Variants in CANX observed in about 807,000 individuals in gnomAD.
CANX encodes calnexin.
In CANX, 14 loss-of-function variants were observed where a neutral mutation model predicts 75.7. That is an observed-to-expected ratio of 0.19 (90% confidence interval 0.12 to 0.29). The LOEUF is 0.29. Among genes scored for constraint, CANX ranks in the 10% least tolerant of loss-of-function variants. The probability of loss-of-function intolerance (pLI) is 1.00; values close to 1 mark genes in which losing one functional copy is unlikely to be tolerated. For missense variants in CANX, 567 were observed against 713.2 expected (o/e 0.79, Z 2.34); for synonymous variants, 227 against 236.9 (o/e 0.96, Z 0.38).
intron 1 of CANX, chr5:179,700,650 T>A (rs1161599288): frequency 1.3e-5 from 2 of 153,314 alleles, no homozygotes; most frequent in Non-Finnish European, 2.9e-5. Context: ...CTTACTATCC[T>A]TACTCCCCAG....
At chr5:179,720,361 C>T in intron 9 of CANX, 43 bp from the exon 10 acceptor site, 9 of 1,560,120 alleles carry the variant, frequency 5.8e-6, no homozygotes, top group Non-Finnish European at 7.9e-6. Flanking sequence ...CATAGTCCTG[C>T]ATCACAGAAC....
chr5:179,710,482 T>C (rs995991892), intron 7 of CANX, among the ~76,000 whole-genome samples: 5 of 134,126 alleles, frequency 3.7e-5, no homozygotes, highest in South Asian at 2.5e-4. Flanking sequence ...CCGAGGCGGG[T>C]GGATCACAAG....
chr5:179,689,920 A>G (rs1290017261), intron 1 of CANX, among the ~76,000 whole-genome samples: 1 of 152,178 alleles, frequency 6.6e-6, no homozygotes, highest in African/African-American at 2.4e-5. Flanking sequence ...CCCCATCTCA[A>G]TGTCACTGAA....
Position 179,729,105 on chromosome 5 carries a change from C to T in CANX, c.*461C>T, listed in dbSNP as rs567394136. 4.4e-4 allele frequency: 88 copies of T among 198,240 alleles called. No individual in the cohort carries two copies. The highest frequency in any genetic ancestry group is 2.4e-3 in the Middle Eastern group (1 of 424). 12.3% of individuals were successfully genotyped at this position (198,240 alleles called of 1,614,324 possible). The stretch of plus-strand genomic sequence containing the variant: ...ATTGTAAAACATTCACACCTCTGTC[C>T]CTCAAAATTGATAATTACGTTTAAA... On this transcript the variant is annotated 3_prime_UTR_variant, in exon 15 of 15. Coordinates refer to ENST00000247461, the MANE Select transcript of CANX (RefSeq NM_001746.4).
chr5:179,682,103 T>A (rs1776078496), intron 1 of CANX, among the ~76,000 whole-genome samples: 1 of 150,874 alleles, frequency 6.6e-6, no homozygotes, highest in African/African-American at 2.4e-5. Context: ...ATAGAAAAAA[T>A]TAGCCGGGTG....
At chr5:179,727,813 G>A (rs1179696599) in intron 14 of CANX, among the ~76,000 whole-genome samples, 1 of 152,198 alleles carries the variant, frequency 6.6e-6, no homozygotes, top group Non-Finnish European at 1.5e-5. Context: ...TTGGAGATCT[G>A]GATCTTGGTT....
chr5:179,694,845 TTC>T (rs770093160), upstream of CANX: 10 of 425,202 alleles, frequency 2.4e-5, no homozygotes, highest in Non-Finnish European at 3.9e-5. Flanking sequence ...TGTGCCCACT[TTC>T]TCCTTCAAGC....
rs541091310 is a variant in CANX, at chr5:179,703,193, G to A, written c.-3-2486G>A. ...CTCCCAATGTGCTGGGATTATTGGC[G>A]TGAGCCACCGCGCCTGGTGGAGTGG... On this transcript the variant is annotated intron_variant, in intron 1 of 14. Transcript: ENST00000247461. Among the ~76,000 whole-genome samples, 6 of 151,860 alleles carry A rather than the reference G, an allele frequency of 4.0e-5. No homozygotes were observed. In the East Asian group the frequency reaches 1.2e-3, roughly 29 times the overall value.
At chr5:179,726,872 A>C (rs987538782) in intron 14 of CANX, 113 bp downstream of exon 14, 38 of 715,644 alleles carry the variant, frequency 5.3e-5, no homozygotes, top group Non-Finnish European at 8.0e-5. Flanking sequence ...AATTCTGTTA[A>C]AGCCAATTTT....
upstream of CANX, chr5:179,698,708 G>C: frequency 1.2e-6 from 1 of 866,646 alleles, no homozygotes. Context: ...CGCGCCCGGC[G>C]GTCTCGATCC....
intron 10 of CANX, 131 bp downstream of exon 10, chr5:179,720,691 C>T (rs987097734): frequency 6.7e-5 from 52 of 773,488 alleles, no homozygotes; most frequent in Non-Finnish European, 1.0e-4. Flanking sequence ...AAGTAGACTT[C>T]CTAAGTTGAA....
intron 9 of CANX, among the ~76,000 whole-genome samples, chr5:179,720,094 G>A (rs1050055277): frequency 1.3e-5 from 2 of 152,146 alleles, no homozygotes; most frequent in Middle Eastern, 3.4e-3. Flanking sequence ...GCCTCCCAAA[G>A]TGCTGGGATT....
In CANX at chr5:179,729,617, C is replaced by T. The variant is rs1227921926; in HGVS notation, c.*973C>T. The T allele has an allele frequency of 6.6e-6, 1 of 152,670 alleles. No homozygotes were observed. The highest frequency in any genetic ancestry group is 6.5e-5 in the Admixed American group (1 of 15,278). 9.5% of individuals were successfully genotyped at this position (152,670 alleles called of 1,614,324 possible). A position where few individuals can be genotyped will look rare whatever the true frequency, so the allele number is the denominator to read the frequency against. ...GTCCGTTGCTGAAAATGATTATAAG[C>T]CCTGCATAATGTTAAGCTTTATTGT... On this transcript the variant is annotated 3_prime_UTR_variant, in exon 15 of 15. Transcript: ENST00000247461.
intron 1 of CANX, chr5:179,701,119 G>GC (rs1171765547): frequency 1.3e-5 from 2 of 152,000 alleles, no homozygotes; most frequent in Non-Finnish European, 2.9e-5. Flanking sequence ...GCCCACCTCG[G>GC]CCTCCCAAAA....
At chr5:179,683,769 A>G (rs1278298838) in intron 1 of CANX, among the ~76,000 whole-genome samples, 3 of 149,392 alleles carry the variant, frequency 2.0e-5, no homozygotes, top group Non-Finnish European at 4.5e-5. Context: ...CCTGGCCTCA[A>G]GTGATCCATC....
In CANX at chr5:179,716,261, T is replaced by C; in HGVS notation, c.878T>C (p.Ile293Thr). 6.2e-7 allele frequency: 1 copy of C among 1,614,106 alleles called. No homozygotes were observed. Among genetic ancestry groups the C allele is most frequent in the Non-Finnish European group, 8.5e-7 (1 of 1,179,988 alleles). Residue 293 changes from isoleucine (I) to threonine (T), a missense_variant, in exon 8 of 15, where the codon ATC becomes ACC. Physicochemically the swap from Ile to Thr is moderately conservative, Grantham distance 89 (BLOSUM62 -1). Around this residue, in one of 3 missense-constraint regions of CANX, gnomAD observed 351 missense variants for 433.8 expected, o/e 0.81. Transcript: ENST00000247461. ...GAGGATTGGGATGAAAGACCAAAAA[T>C]CCCAGATCCAGAAGCTGTCAAGCCA... ...KPEDWDERPK[I>T]PDPEAVKPDD... is the part of the protein sequence containing the mutation.
chr5:179,683,595 A>G lies in CANX; in HGVS notation c.-4+4818A>G, dbSNP rs967923514. ...GTTGCCCAGACTGGAGTGCAGTGGT[A>G]TGATCTTAGCTCACTGCAACCTCTG... On this transcript the variant is annotated intron_variant, in intron 1 of 14. Coordinates refer to the CANX transcript ENST00000681674. Among the ~76,000 whole-genome samples, 8 of 151,838 alleles carry G rather than the reference A, an allele frequency of 5.3e-5. No homozygotes were observed. The East Asian group carries it at 1.6e-3, about 29-fold the overall frequency.
intron 13 of CANX, among the ~76,000 whole-genome samples, chr5:179,726,168 A>T (rs867866859): frequency 3.3e-5 from 5 of 151,350 alleles, no homozygotes; most frequent in African/African-American, 1.2e-4. Flanking sequence ...GGCACCTGTA[A>T]TCCCGGCTAC....
At chr5:179,706,006 A>G (rs544750901) in intron 2 of CANX, among the ~76,000 whole-genome samples, 154 bp downstream of exon 2, 1 of 152,298 alleles carries the variant, frequency 6.6e-6, no homozygotes, top group Non-Finnish European at 1.5e-5. Flanking sequence ...TATCATCTCT[A>G]ATAAAATATA....
Sources: allele counts gnomAD v4.1 joint callset (sites outside exome capture counted in the v4.1 genomes callset), GRCh38; gene constraint gnomAD v4.1.1; regional missense constraint gnomAD v4.1.1; transcripts MANE v1.5; gene names NCBI Gene and HGNC (gene_info 2026-07-23, HGNC 2026-07-21).